Variants in GALNT18 observed in about 807,000 individuals in gnomAD.
GALNT18 encodes GalNAc-transferase 18.
GALNT18 carries 44 observed loss-of-function variants against 69.5 expected under a neutral mutation model. That is an observed-to-expected ratio of 0.63 (90% CI 0.50 to 0.81). The LOEUF is 0.81. Ranked by LOEUF, GALNT18 falls within the 40% of genes least tolerant of loss-of-function variation. The pLI, the probability that GALNT18 is intolerant of heterozygous loss-of-function variation, is 0.00. For synonymous variants in GALNT18, 364 were observed against 318.2 expected, an observed-to-expected ratio of 1.14 and a Z score of -1.53; for missense variants, 715 against 810.0, an observed-to-expected ratio of 0.88 and a Z score of 1.42.
chr11:11,305,952 C>A (rs1312977014), intron 9 of GALNT18, among the ~76,000 whole-genome samples: 2 of 152,164 alleles, frequency 1.3e-5, no homozygotes, highest in African/African-American at 4.8e-5. Context: ...CTGCCTCGTA[C>A]CCCTTACTCC....
chr11:11,274,289 GTT>G (rs1249803530), intron 10 of GALNT18, among the ~76,000 whole-genome samples: 4 of 151,270 alleles, frequency 2.6e-5, no homozygotes, highest in Admixed American at 6.6e-5. Flanking sequence ...AGGAGTTTTT[GTT>G]TTTGTTTTTT....
chr11:11,319,276 A>G (rs769268043), intron 9 of GALNT18, among the ~76,000 whole-genome samples: 2 of 152,212 alleles, frequency 1.3e-5, no homozygotes, highest in African/African-American at 4.8e-5. Context: ...TGAAGCTCAA[A>G]TGTTGCCCCA....
intron 1 of GALNT18, among the ~76,000 whole-genome samples, chr11:11,532,107 C>T (rs1857664939): frequency 6.6e-6 from 1 of 152,130 alleles, no homozygotes. Context: ...CATTCTGACA[C>T]CATTTTGAAA....
chr11:11,291,805 C>T (rs141035575), intron 10 of GALNT18, among the ~76,000 whole-genome samples: 62 of 152,296 alleles, frequency 4.1e-4, no homozygotes, highest in African/African-American at 1.4e-3. Context: ...TTTTGAACTT[C>T]CAGCTCAGTA....
At chr11:11,530,940 G>A (rs996157978) in intron 1 of GALNT18, among the ~76,000 whole-genome samples, 1 of 152,192 alleles carries the variant, frequency 6.6e-6, no homozygotes, top group African/African-American at 2.4e-5. Flanking sequence ...CAGAGCCTCT[G>A]GGGGCCTCAA....
intron 10 of GALNT18, among the ~76,000 whole-genome samples, chr11:11,278,169 A>G (rs749640610): frequency 1.8e-4 from 27 of 152,086 alleles, no homozygotes; most frequent in Non-Finnish European, 3.4e-4. Context: ...AACTTGCTTT[A>G]ATAATCTGGG....
At chr11:11,524,963 G>A (rs61870357) in intron 1 of GALNT18, among the ~76,000 whole-genome samples, 12,211 of 152,192 alleles carry the variant, frequency 0.08, 591 homozygotes, top group Middle Eastern at 0.14. Context: ...TCTGTCTGGG[G>A]TTTCCAGGAG....
chr11:11,503,355 T>A (rs1857010075), intron 1 of GALNT18, among the ~76,000 whole-genome samples: 1 of 152,208 alleles, frequency 6.6e-6, no homozygotes, highest in Non-Finnish European at 1.5e-5. Flanking sequence ...GAAATGACGA[T>A]CTGAAGGGCC....
chr11:11,458,404 A>G (rs189508329), intron 1 of GALNT18, among the ~76,000 whole-genome samples: 1 of 152,146 alleles, frequency 6.6e-6, no homozygotes, highest in African/African-American at 2.4e-5. Flanking sequence ...TGATTTTTTT[A>G]AAAAAACTTT....
rs1208646009 is a variant in GALNT18 at position 11,602,199 on chromosome 11, G to T, written c.235+19160C>A. Reference sequence around the variant, plus strand: ...GACATCCCTGCTGTATGAGTAGGGTGCTGGGTGGAGATGGTAGTCACTGAT... The same window carrying T: ...GACATCCCTGCTGTATGAGTAGGGTTCTGGGTGGAGATGGTAGTCACTGAT... On this transcript the variant is annotated intron_variant, in intron 1 of 10. Coordinates refer to ENST00000227756, the MANE Select transcript of GALNT18 (RefSeq NM_198516.3). The surrounding 1 kb of genome is among the most constrained non-coding windows in gnomAD (Gnocchi z 4.7). Among the ~76,000 whole-genome samples the T allele has an allele frequency of 1.3e-5, 2 of 152,204 alleles. No homozygotes were observed. The highest frequency in any genetic ancestry group is 2.9e-5 in the Non-Finnish European group (2 of 68,026).
intron 1 of GALNT18, among the ~76,000 whole-genome samples, chr11:11,527,443 C>A (rs919885373): frequency 6.6e-6 from 1 of 152,234 alleles, no homozygotes; most frequent in South Asian, 2.1e-4. Flanking sequence ...ATTATTCTTA[C>A]GTGGTTCTGC....
chr11:11,392,094 G>A (rs536958645), intron 3 of GALNT18, among the ~76,000 whole-genome samples: 1 of 152,120 alleles, frequency 6.6e-6, no homozygotes, highest in Non-Finnish European at 1.5e-5. Flanking sequence ...CTGCCCTTTG[G>A]CCCTGTATCC....
intron 6 of GALNT18, among the ~76,000 whole-genome samples, chr11:11,369,657 T>G (rs1226646089): frequency 6.6e-6 from 1 of 152,228 alleles, no homozygotes; most frequent in Non-Finnish European, 1.5e-5. Flanking sequence ...AGCCCTTAAA[T>G]GTTTTCTTAT....
intron 9 of GALNT18, among the ~76,000 whole-genome samples, chr11:11,311,285 C>A (rs1487657952): frequency 6.6e-6 from 1 of 152,220 alleles, no homozygotes. Context: ...AAAACCTCCC[C>A]ACTTCCTGCT....
In GALNT18 at chr11:11,271,125, C is replaced by A; in HGVS notation, c.*19G>T. ...TGCTACACAGTAGCAAAGAGGCAGCCGGAAGTGGCCCCGGTGGGTCAGGAC... is the reference window on the plus strand; with the variant it reads ...TGCTACACAGTAGCAAAGAGGCAGCAGGAAGTGGCCCCGGTGGGTCAGGAC... On this transcript the variant is annotated 3_prime_UTR_variant, in exon 11 of 11. Transcript: ENST00000227756. The A allele has an allele frequency of 6.2e-7, 1 of 1,602,476 alleles. No homozygotes were observed.
chr11:11,271,529 C>A (rs1002501041), intron 10 of GALNT18, among the ~76,000 whole-genome samples: 3 of 152,166 alleles, frequency 2.0e-5, no homozygotes, highest in African/African-American at 4.8e-5. Context: ...GGAGAGAGGC[C>A]TCCCCACCCC....
intron 10 of GALNT18, among the ~76,000 whole-genome samples, chr11:11,274,147 T>G (rs533376331): frequency 6.6e-6 from 1 of 152,266 alleles, no homozygotes; most frequent in Non-Finnish European, 1.5e-5. Flanking sequence ...AACAGTGCAC[T>G]CCGGCTCAGA....
intron 1 of GALNT18, among the ~76,000 whole-genome samples, chr11:11,565,265 C>T (rs1421210936): frequency 6.6e-6 from 1 of 152,210 alleles, no homozygotes; most frequent in Non-Finnish European, 1.5e-5. Flanking sequence ...GCTAATGCTA[C>T]CTGCCACATA....
rs1858833958 is a variant in GALNT18 at position 11,573,243 on chromosome 11, C to G, written c.235+48116G>C. On this transcript the variant is annotated intron_variant, in intron 1 of 10. Coordinates refer to ENST00000227756, the MANE Select transcript of GALNT18 (RefSeq NM_198516.3). This position sits in a 1 kb window ranked among gnomAD's most constrained non-coding sequence, Gnocchi z 4.6. ...CTTGACATGGATGTCCCAGAGATTC[C>G]CTACACACAGCTTTCAATACTGAAG... 6.6e-6 allele frequency among the ~76,000 whole-genome samples: 1 copy of G among 152,156 alleles called. No homozygotes were observed. The highest frequency in any genetic ancestry group is 2.4e-5 in the African/African-American group (1 of 41,428).
Sources: allele counts gnomAD v4.1 joint callset (sites outside exome capture counted in the v4.1 genomes callset), GRCh38; gene constraint gnomAD v4.1.1; non-coding constraint Gnocchi (gnomAD v3.1); transcripts MANE v1.5; gene names NCBI Gene and HGNC (gene_info 2026-07-23, HGNC 2026-07-21).